BCAS1: variants seen among roughly 807,000 people sequenced by gnomAD.
BCAS1 encodes brain enriched myelin associated protein 1, also known as breast carcinoma-amplified sequence 1.
Under a neutral mutation model 65.4 loss-of-function variants are expected in BCAS1, and 46 were observed. The ratio of observed to expected loss-of-function variants is 0.70; its 90% CI spans 0.55 to 0.90. The LOEUF (loss-of-function observed/expected upper bound fraction) is 0.90. BCAS1 is among the 40% of genes least tolerant of loss of function. The pLI is 0.00. For missense variants in BCAS1, 793 were observed against 771.2 expected, an observed-to-expected ratio of 1.03 and a Z score of -0.33; for synonymous variants, 298 against 293.5, an observed-to-expected ratio of 1.02 and a Z score of -0.16.
intron 8 of BCAS1, among the ~76,000 whole-genome samples, chr20:53,977,954 A>G (rs1217032648): frequency 6.6e-6 from 1 of 151,766 alleles, no homozygotes; most frequent in Non-Finnish European, 1.5e-5. Flanking sequence ...TTAGTTACAT[A>G]TGTATACATG....
At chr20:53,950,882 CATGTAA>C (rs532180535) in intron 12 of BCAS1, among the ~76,000 whole-genome samples, 199 of 152,092 alleles carry the variant, frequency 1.3e-3, no homozygotes, top group African/African-American at 4.6e-3. Context: ...AGCTAGACAA[CATGTAA>C]ATGAATGAAC....
chr20:53,987,129 T>C (rs1043819464), intron 7 of BCAS1, among the ~76,000 whole-genome samples: 5 of 152,208 alleles, frequency 3.3e-5, no homozygotes, highest in African/African-American at 1.2e-4. Context: ...GCAAATAACA[T>C]GAATTTTACT....
At chr20:54,015,089 A>G (rs1352099505) in intron 4 of BCAS1, among the ~76,000 whole-genome samples, 1 of 151,824 alleles carries the variant, frequency 6.6e-6, no homozygotes, top group Non-Finnish European at 1.5e-5. Context: ...CTGGAGTGCA[A>G]TGGTGCAATC....
chr20:53,981,038 A>G (rs2090464068), intron 8 of BCAS1, among the ~76,000 whole-genome samples: 1 of 152,232 alleles, frequency 6.6e-6, no homozygotes, highest in Non-Finnish European at 1.5e-5. Flanking sequence ...CAGATAACCT[A>G]TCCATAGAAA....
intron 6 of BCAS1, 96 bp downstream of exon 6, chr20:53,994,916 C>CAT: frequency 2.2e-6 from 2 of 911,630 alleles, no homozygotes; most frequent in Non-Finnish European, 3.5e-6. Context: ...CACACACACA[C>CAT]ATATATGTAT....
chr20:53,970,587 C>T (rs1346753377), intron 9 of BCAS1, among the ~76,000 whole-genome samples: 1 of 152,210 alleles, frequency 6.6e-6, no homozygotes, highest in Non-Finnish European at 1.5e-5. Flanking sequence ...ATGTGCGCTA[C>T]ATTTTAGAAT....
At chr20:54,063,783 T>C (rs2092403714) in intron 1 of BCAS1, among the ~76,000 whole-genome samples, 1 of 152,138 alleles carries the variant, frequency 6.6e-6, no homozygotes, top group African/African-American at 2.4e-5. Context: ...TTCTTGTCTG[T>C]AATAGTTTTC....
chr20:54,038,157 C>T (rs1457416188), intron 3 of BCAS1, among the ~76,000 whole-genome samples: 3 of 151,260 alleles, frequency 2.0e-5, no homozygotes, highest in African/African-American at 2.4e-5. Context: ...GCAGCCCTCA[C>T]CACTAGTTAT....
intron 3 of BCAS1, among the ~76,000 whole-genome samples, chr20:54,036,145 C>A (rs1264013152): frequency 6.6e-6 from 1 of 150,502 alleles, no homozygotes; most frequent in Admixed American, 6.6e-5. Flanking sequence ...ATTTCATCAC[C>A]CAGGCTTGAT....
chr20:53,947,233 G>C (rs1461830328), intron 12 of BCAS1, among the ~76,000 whole-genome samples: 1 of 152,178 alleles, frequency 6.6e-6, no homozygotes, highest in Non-Finnish European at 1.5e-5. Context: ...TGAAGATTAA[G>C]TGTTAGTATA....
At chr20:53,946,551 AG>A (rs2089327794) in intron 12 of BCAS1, among the ~76,000 whole-genome samples, 1 of 151,040 alleles carries the variant, frequency 6.6e-6, no homozygotes, top group South Asian at 2.1e-4. Context: ...TATAGTATAG[AG>A]TAGTATAATA....
rs1568788666 is a variant in BCAS1 at position 53,943,967 on chromosome 20, T to TA, written c.*954_*955insT. On this transcript the variant is annotated 3_prime_UTR_variant, in exon 13 of 13. Transcript: ENST00000688948. ...GCAACTTCCTTTATTTTTTATTTAT[T>TA]TTTTTTTTTTAAGTTGTAATCTTTG... 2.9e-5 allele frequency: 4 copies of TA among 139,374 alleles called. No individual in the cohort carries two copies. The highest frequency in any genetic ancestry group is 1.0e-4 in the African/African-American group (4 of 40,142). 8.6% of individuals were successfully genotyped at this position (139,374 alleles called of 1,614,324 possible). A position where few individuals can be genotyped will look rare whatever the true frequency, so the allele number is the denominator to read the frequency against.
At chr20:53,981,398 C>G (rs1568839803) in intron 8 of BCAS1, among the ~76,000 whole-genome samples, 1 of 152,144 alleles carries the variant, frequency 6.6e-6, no homozygotes, top group Non-Finnish European at 1.5e-5. Context: ...GTTCTTAAGT[C>G]TATTTTGACG....
intron 4 of BCAS1, among the ~76,000 whole-genome samples, chr20:54,000,197 G>A (rs1568862313): frequency 6.6e-6 from 1 of 152,126 alleles, no homozygotes; most frequent in Admixed American, 6.5e-5. Flanking sequence ...GTAATGTCTG[G>A]AGACATTTTT....
intron 8 of BCAS1, among the ~76,000 whole-genome samples, chr20:53,976,210 T>C (rs1238111852): frequency 6.6e-6 from 1 of 152,224 alleles, no homozygotes; most frequent in Non-Finnish European, 1.5e-5. Context: ...TTTTTGCATC[T>C]TTCTTTTGGT....
chr20:54,032,270 C>A (rs192909287), intron 3 of BCAS1, among the ~76,000 whole-genome samples: 1 of 151,380 alleles, frequency 6.6e-6, no homozygotes, highest in African/African-American at 2.4e-5. Flanking sequence ...CATTTTCAGA[C>A]AAGCAAATGC....
chr20:53,947,586 G>A (rs560710119), intron 12 of BCAS1, among the ~76,000 whole-genome samples: 16 of 152,128 alleles, frequency 1.1e-4, no homozygotes, highest in African/African-American at 3.9e-4. Context: ...TGCAGCCCAC[G>A]AGGTTGACGC....
chr20:53,967,692 T>C (rs2090071457), intron 9 of BCAS1, among the ~76,000 whole-genome samples: 1 of 152,252 alleles, frequency 6.6e-6, no homozygotes, highest in African/African-American at 2.4e-5. Context: ...GATGGCTAAG[T>C]TGTTCGCGGC....
intron 6 of BCAS1, among the ~76,000 whole-genome samples, chr20:53,993,450 C>G (rs1419609164): frequency 1.3e-5 from 2 of 152,180 alleles, no homozygotes; most frequent in Non-Finnish European, 2.9e-5. Context: ...CATGGACAAC[C>G]TACATTCACA....
Sources: gnomAD v4.1 joint callset for allele counts (sites outside exome capture counted in the v4.1 genomes callset) on GRCh38, gnomAD v4.1.1 for gene constraint, MANE v1.5 for transcripts, NCBI Gene and HGNC (gene_info 2026-07-23, HGNC 2026-07-21) for gene names.